The following WWC1 variants were observed in gnomAD, a reference collection of about 807,000 sequenced individuals.
WWC1 encodes the protein WW and C2 domain containing 1, also known as protein KIBRA.
Under a neutral mutation model 138.4 loss-of-function variants are expected in WWC1, and 55 were observed. That is an observed-to-expected ratio of 0.40 (90% CI 0.32 to 0.50). The LOEUF (loss-of-function observed/expected upper bound fraction) is 0.50, where lower values mean the gene tolerates loss of function less well. Ranked by LOEUF, WWC1 falls within the 20% of genes least tolerant of loss-of-function variation. The pLI, the probability that WWC1 is intolerant of heterozygous loss-of-function variation, is 0.72. For missense variants in WWC1, 1,226 were observed against 1,420.4 expected, an observed-to-expected ratio of 0.86 and a Z score of 2.20; for synonymous variants, 524 against 564.9, an observed-to-expected ratio of 0.93 and a Z score of 1.03.
chr5:168,428,934 T>C, intron 13 of WWC1, 147 bp downstream of exon 13: 1 of 717,482 alleles, frequency 1.4e-6, no homozygotes, highest in Non-Finnish European at 2.4e-6. Flanking sequence ...GCTTCTTAAC[T>C]GAAGGGATGC....
chr5:168,383,191 AAAAAG>A (rs1366435211), intron 2 of WWC1, among the ~76,000 whole-genome samples: 2 of 151,984 alleles, frequency 1.3e-5, no homozygotes, highest in South Asian at 2.1e-4. Flanking sequence ...ACAAAAAAAA[AAAAAG>A]AAAAGAAAAA....
intron 5 of WWC1, 37 bp downstream of exon 5, chr5:168,399,604 T>C (rs1266872070): frequency 6.2e-7 from 1 of 1,604,368 alleles, no homozygotes; most frequent in Non-Finnish European, 8.5e-7. Flanking sequence ...TGGGGGCTGC[T>C]CCCCACCCTG....
intron 1 of WWC1, among the ~76,000 whole-genome samples, chr5:168,295,105 G>A (rs1253193460): frequency 6.6e-6 from 1 of 152,084 alleles, no homozygotes; most frequent in Admixed American, 6.5e-5. Flanking sequence ...AGCCACTTGT[G>A]GTTTTCTGGA....
chr5:168,304,361 T>G (rs1770364961), intron 1 of WWC1, among the ~76,000 whole-genome samples: 1 of 152,140 alleles, frequency 6.6e-6, no homozygotes, highest in South Asian at 2.1e-4. Flanking sequence ...TATTAAGAAG[T>G]GTCTTAATAG....
At position 168,385,191 on chromosome 5, in the gene WWC1, A is replaced by C; in HGVS notation, c.230-20A>C. On this transcript the variant is annotated intron_variant, in intron 2 of 22. Coordinates refer to ENST00000265293, the MANE Select transcript of WWC1 (RefSeq NM_015238.3). ...GATATTTGTGAGATGCTGACCTAGAATCTCTGGGGTCTGTTCCAGAAACCA... is the reference window on the plus strand; with the variant it reads ...GATATTTGTGAGATGCTGACCTAGACTCTCTGGGGTCTGTTCCAGAAACCA... 6.2e-7 allele frequency: 1 copy of C among 1,613,578 alleles called. No homozygotes were observed. The highest frequency in any genetic ancestry group is 8.5e-7 in the Non-Finnish European group (1 of 1,179,690).
chr5:168,418,403 T>TA (rs757684432), intron 9 of WWC1, among the ~76,000 whole-genome samples: 12 of 152,154 alleles, frequency 7.9e-5, no homozygotes, highest in Non-Finnish European at 1.3e-4. Flanking sequence ...CCCAGGTTCT[T>TA]ACATTTTTAA....
At chr5:168,316,093 A>C (rs1268605268) in intron 1 of WWC1, among the ~76,000 whole-genome samples, 1 of 152,220 alleles carries the variant, frequency 6.6e-6, no homozygotes, top group Non-Finnish European at 1.5e-5. Flanking sequence ...AAGCTGAAGA[A>C]TAGAACTATT....
At chr5:168,460,779 T>C (rs776580458) in intron 20 of WWC1, 37 bp downstream of exon 20, 1 of 1,604,706 alleles carries the variant, frequency 6.2e-7, no homozygotes, top group Non-Finnish European at 8.5e-7. Context: ...TTCTGCCTGC[T>C]CCTCCCTCGT....
chr5:168,466,990 G>A (rs770440900), intron 21 of WWC1, among the ~76,000 whole-genome samples: 8 of 152,278 alleles, frequency 5.3e-5, no homozygotes, highest in Middle Eastern at 3.4e-3. Context: ...GGCCGGACGC[G>A]GTGGCTCACG....
At chr5:168,432,490 C>G (rs780347280) in intron 15 of WWC1, among the ~76,000 whole-genome samples, 2 of 152,202 alleles carry the variant, frequency 1.3e-5, no homozygotes, top group Non-Finnish European at 2.9e-5. Context: ...ATAGCTAACT[C>G]GGGCTTGTGA....
At chr5:168,397,908 GC>G in intron 4 of WWC1, 108 bp downstream of exon 4, 1 of 1,171,894 alleles carries the variant, frequency 8.5e-7, no homozygotes, top group Non-Finnish European at 1.3e-6. Flanking sequence ...GGCTATGACA[GC>G]CAGTGCTAGC....
At chr5:168,306,988 C>T (rs540952800) in intron 1 of WWC1, among the ~76,000 whole-genome samples, 2 of 152,270 alleles carry the variant, frequency 1.3e-5, no homozygotes, top group South Asian at 2.1e-4. Context: ...TAATCTACAT[C>T]TTCGAGACTC....
chr5:168,458,629 A>G (rs1022255683), intron 19 of WWC1, among the ~76,000 whole-genome samples: 42 of 152,200 alleles, frequency 2.8e-4, no homozygotes, highest in Admixed American at 9.2e-4. Context: ...ACTTTGACCA[A>G]ATAGACACAG....
chr5:168,350,689 C>CAT (rs1561643908), intron 1 of WWC1, among the ~76,000 whole-genome samples: 20 of 152,318 alleles, frequency 1.3e-4, no homozygotes, highest in African/African-American at 4.8e-4. Context: ...TGATCATTCA[C>CAT]TCATTCATTC....
intron 1 of WWC1, among the ~76,000 whole-genome samples, chr5:168,338,273 T>A (rs1215657717): frequency 1.3e-5 from 2 of 149,320 alleles, no homozygotes; most frequent in Non-Finnish European, 3.0e-5. Flanking sequence ...ATCGCGCCAC[T>A]GCACTCCAGC....
intron 19 of WWC1, among the ~76,000 whole-genome samples, chr5:168,458,830 T>A (rs1037006340): frequency 6.6e-6 from 1 of 152,258 alleles, no homozygotes; most frequent in Non-Finnish European, 1.5e-5. Context: ...TTAATGTAGC[T>A]TCTGTCTTTC....
At position 168,423,720 on chromosome 5, in the gene WWC1, G is replaced by A. The variant is rs1393882593; in HGVS notation, c.1462G>A (p.Gly488Arg). Residue 488 changes from glycine (G) to arginine (R), a missense_variant, in exon 11 of 23, where the codon GGG becomes AGG. This residue lies in a region of WWC1 where 1,016 missense variants were observed against 1,153.9 expected (regional missense o/e 0.88). Transcript: ENST00000265293. ...CAAGGTGGAGTTCCTGCTCCTGGAGGGGGCCACCGGCTTCCGGCCCTCAGG... is the reference window on the plus strand; with the variant it reads ...CAAGGTGGAGTTCCTGCTCCTGGAGAGGGCCACCGGCTTCCGGCCCTCAGG... Reference protein sequence around the residue: ...QSKVEFLLLEGATGFRPSGCI... With the variant: ...QSKVEFLLLERATGFRPSGCI... 4 of 1,614,064 alleles carry A rather than the reference G, an allele frequency of 2.5e-6. No homozygotes were observed. Among genetic ancestry groups the A allele is most frequent in the Non-Finnish European group, 3.4e-6 (4 of 1,179,914 alleles).
At chr5:168,398,560 A>G (rs528837129) in intron 4 of WWC1, among the ~76,000 whole-genome samples, 1 of 152,352 alleles carries the variant, frequency 6.6e-6, no homozygotes, top group South Asian at 2.1e-4. Flanking sequence ...TTACTTCATG[A>G]TTACCTTAGG....
At chr5:168,336,654 C>T (rs1045638152) in intron 1 of WWC1, among the ~76,000 whole-genome samples, 8 of 151,598 alleles carry the variant, frequency 5.3e-5, no homozygotes, top group African/African-American at 1.9e-4. Flanking sequence ...TGAGCCTGTG[C>T]CCCAGAACTC....
Sources: allele counts gnomAD v4.1 joint callset (sites outside exome capture counted in the v4.1 genomes callset), GRCh38; gene constraint gnomAD v4.1.1; regional missense constraint gnomAD v4.1.1; transcripts MANE v1.5; gene names NCBI Gene and HGNC (gene_info 2026-07-23, HGNC 2026-07-21).